Variants in SH2D3C observed in about 807,000 individuals in gnomAD.
SH2D3C encodes the protein SH2 domain-containing protein 3C.
SH2D3C carries 25 observed loss-of-function variants against 75.2 expected under a neutral mutation model. The observed-to-expected ratio is 0.33, with a 90% CI of 0.24 to 0.46. SH2D3C has a LOEUF of 0.46. Among genes scored for constraint, SH2D3C ranks in the 20% least tolerant of loss-of-function variants. SH2D3C has a pLI of 1.00. For missense variants in SH2D3C, 933 were observed against 1,165.3 expected (o/e 0.80, Z 2.90); for synonymous variants, 450 against 473.7 (o/e 0.95, Z 0.65).
chr9:127,749,017 C>G lies in SH2D3C; in HGVS notation c.1139+194G>C, dbSNP rs1034397097. Among the ~76,000 whole-genome samples, 4 of 152,182 alleles carry G rather than the reference C, an allele frequency of 2.6e-5. No homozygotes were observed. Among genetic ancestry groups the G allele is most frequent in the African/African-American group, 9.7e-5 (4 of 41,436 alleles). On this transcript the variant is annotated intron_variant, in intron 5 of 11. Coordinates refer to ENST00000314830, the MANE Select transcript of SH2D3C (RefSeq NM_170600.3). The surrounding 1 kb of genome is among the most constrained non-coding windows in gnomAD (Gnocchi z 5.9). Reference sequence around the variant, plus strand: ...GCGAGTGGCAGAGCTGGGACTGCAACCTGGGTCTGACTCCCTGCAAGCCCT... The same window carrying G: ...GCGAGTGGCAGAGCTGGGACTGCAAGCTGGGTCTGACTCCCTGCAAGCCCT...
At chr9:127,759,247 G>C (rs999042835) in intron 3 of SH2D3C, among the ~76,000 whole-genome samples, 1 of 152,012 alleles carries the variant, frequency 6.6e-6, no homozygotes, top group African/African-American at 2.4e-5. Flanking sequence ...ATGGAGTCTT[G>C]CTCTGTCGCC....
At chr9:127,761,929 G>A (rs973628632) in intron 2 of SH2D3C, among the ~76,000 whole-genome samples, 13 of 152,196 alleles carry the variant, frequency 8.5e-5, no homozygotes, top group African/African-American at 2.4e-4. Context: ...GACCCAGGGC[G>A]TGATGAACAT....
At chr9:127,752,263 C>G (rs1246180479) in intron 3 of SH2D3C, among the ~76,000 whole-genome samples, 1 of 152,200 alleles carries the variant, frequency 6.6e-6, no homozygotes, top group Non-Finnish European at 1.5e-5. Context: ...GCCTCAATTT[C>G]TTCCTCATTA....
chr9:127,749,373 C>T lies in SH2D3C; in HGVS notation c.977G>A (p.Arg326His), dbSNP rs749342635. The T allele has an allele frequency of 3.2e-5, 52 of 1,613,944 alleles. No individual in the cohort carries two copies. The highest frequency in any genetic ancestry group is 1.7e-4 in the Middle Eastern group (1 of 6,060). Residue 326 changes from arginine to histidine, a missense_variant, in exon 5 of 12, where the codon CGC becomes CAC. Physicochemically the swap from Arg to His is conservative, Grantham distance 29. Transcript: ENST00000314830. This position sits in a 1 kb window ranked among gnomAD's most constrained non-coding sequence, Gnocchi z 5.9. ...YCPVNRTFPLRYLEASYGLGQ... is the reference protein window; with the variant it reads ...YCPVNRTFPLHYLEASYGLGQ... Reference sequence around the variant, plus strand: ...CAGGCCATAGCTGGCCTCGAGGTAGCGCAGTGGGAAGGTGCGGTTCACCGG... The same window carrying T: ...CAGGCCATAGCTGGCCTCGAGGTAGTGCAGTGGGAAGGTGCGGTTCACCGG...
In SH2D3C at chr9:127,750,158, GTTA is replaced by G. The variant is rs563771370; in HGVS notation, c.685-496_685-494del. 2.7e-3 allele frequency among the ~76,000 whole-genome samples: 407 copies of G among 148,672 alleles called. 1 individual carries two copies. The highest frequency in any genetic ancestry group is 3.5e-3 in the Non-Finnish European group (234 of 67,362). On this transcript the variant is annotated intron_variant, in intron 4 of 11. Coordinates refer to ENST00000314830, the MANE Select transcript of SH2D3C (RefSeq NM_170600.3). ...GAACTTCTTTATTATTATTATTATT[GTTA>G]TTATTATTATTATTATTATTAAGAT...
intron 3 of SH2D3C, among the ~76,000 whole-genome samples, chr9:127,757,612 GATGATGATGA>G (rs1845418831): frequency 9.0e-6 from 1 of 111,718 alleles, no homozygotes; most frequent in African/African-American, 3.2e-5. Flanking sequence ...AGATGATGAT[GATGATGATGA>G]TGATGATGAT....
chr9:127,764,662 G>A (rs890064998), intron 2 of SH2D3C, among the ~76,000 whole-genome samples: 2 of 151,974 alleles, frequency 1.3e-5, no homozygotes, highest in African/African-American at 2.4e-5. Context: ...ATATTTTTCC[G>A]GCAGATATCC....
Position 127,740,303 on chromosome 9 carries a change from C to G in SH2D3C, c.2155G>C (p.Glu719Gln), listed in dbSNP as rs774862408. Residue 719 changes from glutamate (E) to glutamine (Q), a missense_variant, in exon 10 of 12, where the codon GAG becomes CAG. By Grantham distance (29) the Glu-to-Gln change is conservative (BLOSUM62 2). Transcript: ENST00000314830. Reference protein sequence around the residue: ...QRHTEGAILYEKKLKPFLKSL... With the variant: ...QRHTEGAILYQKKLKPFLKSL... ...TTGAGAAAAGGCTTGAGCTTCTTCT[C>G]GTACAGGATGGCACCCTCTGTGTGT... 3 of 1,614,154 alleles carry G rather than the reference C, an allele frequency of 1.9e-6. No individual in the cohort carries two copies. Among genetic ancestry groups the G allele is most frequent in the Non-Finnish European group, 2.5e-6 (3 of 1,180,032 alleles).
At chr9:127,764,696 T>TTTGTTG (rs762740248) in intron 2 of SH2D3C, among the ~76,000 whole-genome samples, 53 of 151,842 alleles carry the variant, frequency 3.5e-4, no homozygotes, top group African/African-American at 9.9e-4. Context: ...CCTCCTGCTC[T>TTTGTTG]TTGTTGTTGT....
Position 127,774,240 on chromosome 9 carries a change from G to A in SH2D3C, c.265C>T (p.Gln89Ter). 3 of 1,614,090 alleles carry A rather than the reference G, an allele frequency of 1.9e-6. No individual in the cohort carries two copies. Among genetic ancestry groups the A allele is most frequent in the Non-Finnish European group, 1.7e-6 (2 of 1,180,010 alleles). The stretch of plus-strand genomic sequence containing the variant: ...GCCTGCCGGGCAGCCTGTGAGTTCT[G>A]TGCTTTCTTGATGCTGGGGCGAGGC... ...TMPRPSIKKA[Q>*]NSQAARQAQE... Residue 89 changes from glutamine (Q) to a stop codon, truncating the protein, a stop_gained, in exon 2 of 12, where the codon CAG (glutamine) becomes TAG (stop). Transcript: ENST00000314830. LOFTEE classifies it high-confidence loss of function. This position sits in a 1 kb window ranked among gnomAD's most constrained non-coding sequence, Gnocchi z 4.3.
intron 2 of SH2D3C, among the ~76,000 whole-genome samples, chr9:127,765,177 C>T (rs1173058169): frequency 6.6e-6 from 1 of 152,120 alleles, no homozygotes; most frequent in Admixed American, 6.5e-5. Flanking sequence ...CCCAACCCCT[C>T]CTTCAGTTCT....
rs1319459019 is a variant in SH2D3C, at chr9:127,754,269, C to A, written c.556-2969G>T. On this transcript the variant is annotated intron_variant, in intron 3 of 11. Coordinates refer to ENST00000314830, the MANE Select transcript of SH2D3C (RefSeq NM_170600.3). The surrounding 1 kb of genome is among the most constrained non-coding windows in gnomAD (Gnocchi z 4.4). ...GGGGCAGTCCTTCAGGCGGGCTCCG[C>A]GAGCGTGTGTGAGCCTGGGGGAGCG... 3.9e-5 allele frequency among the ~76,000 whole-genome samples: 6 copies of A among 152,114 alleles called. No individual in the cohort carries two copies. The highest frequency in any genetic ancestry group is 7.2e-5 in the African/African-American group (3 of 41,424).
chr9:127,747,809 G>C (rs1413914614), intron 5 of SH2D3C, among the ~76,000 whole-genome samples: 1 of 152,086 alleles, frequency 6.6e-6, no homozygotes, highest in Non-Finnish European at 1.5e-5. Context: ...CAAAGTGCTG[G>C]GATTACAGGC....
chr9:127,755,052 G>A (rs1282408813), intron 3 of SH2D3C: 6 of 1,138,928 alleles, frequency 5.3e-6, no homozygotes, highest in Non-Finnish European at 6.5e-6. Flanking sequence ...CCCGGCGCGC[G>A]TGGCGGGGGC....
intron 3 of SH2D3C, among the ~76,000 whole-genome samples, chr9:127,759,275 G>A (rs1460212135): frequency 6.6e-6 from 1 of 152,176 alleles, no homozygotes; most frequent in Admixed American, 6.5e-5. Flanking sequence ...GAGTACAGTG[G>A]TGCTATCTCC....
chr9:127,743,605 C>T (rs1046962481), intron 7 of SH2D3C, among the ~76,000 whole-genome samples: 1 of 152,268 alleles, frequency 6.6e-6, no homozygotes, highest in African/African-American at 2.4e-5. Flanking sequence ...AGGGAATGGG[C>T]TTGCCCAAGG....
At chr9:127,765,505 C>T (rs1014108473) in intron 2 of SH2D3C, among the ~76,000 whole-genome samples, 15 of 152,296 alleles carry the variant, frequency 9.8e-5, no homozygotes, top group Admixed American at 7.8e-4. Context: ...CCTGGCTGGG[C>T]CCTCTGTGAC....
intron 2 of SH2D3C, among the ~76,000 whole-genome samples, chr9:127,771,685 G>A (rs1845742482): frequency 6.6e-6 from 1 of 152,218 alleles, no homozygotes; most frequent in Non-Finnish European, 1.5e-5. Flanking sequence ...GAGGGGCCAG[G>A]CTCCTGGTGC....
At position 127,778,620 on chromosome 9, in the gene SH2D3C, T is replaced by A. The variant is rs1436120055; in HGVS notation, c.8A>T (p.Glu3Val). 2 of 1,613,790 alleles carry A rather than the reference T, an allele frequency of 1.2e-6. No homozygotes were observed. Among genetic ancestry groups the A allele is most frequent in the East Asian group, 4.5e-5 (2 of 44,896 alleles). Reference protein sequence around the residue: MTEGTKKTSKKFK... With the variant: MTVGTKKTSKKFK... ...CTTTTTGCTGGTCTTCTTGGTCCCC[T>A]CTGTCATCTTGGCAAATTGTGTGAA... The change falls in exon 1 of 12, where the codon GAG (glutamate) becomes GTG (valine). Residue 3 changes from glutamate (E) to valine (V), a missense_variant. Coordinates refer to ENST00000314830, the MANE Select transcript of SH2D3C (RefSeq NM_170600.3).
Sources: gnomAD v4.1 joint callset for allele counts (sites outside exome capture counted in the v4.1 genomes callset) on GRCh38, gnomAD v4.1.1 for gene constraint, Gnocchi (gnomAD v3.1) non-coding constraint, MANE v1.5 for transcripts, NCBI Gene and HGNC (gene_info 2026-07-23, HGNC 2026-07-21) for gene names.